Variants in VAT1L observed in about 807,000 individuals in gnomAD.
VAT1L encodes the protein putative NADPH-dependent quinone oxidoreductase VAT1L.
In VAT1L, 34 loss-of-function variants were observed where a neutral mutation model predicts 44.1. That is an observed-to-expected ratio of 0.77 (90% CI 0.59 to 1.03). The LOEUF is 1.03. Ranked by LOEUF, VAT1L falls within the 50% of genes least tolerant of loss-of-function variation. The probability of loss-of-function intolerance (pLI) is 0.00; values close to 1 mark genes in which losing one functional copy is unlikely to be tolerated. For synonymous variants in VAT1L, 253 were observed against 202.2 expected, an observed-to-expected ratio of 1.25 and a Z score of -2.13; for missense variants, 615 against 538.8, an observed-to-expected ratio of 1.14 and a Z score of -1.40.
intron 4 of VAT1L, among the ~76,000 whole-genome samples, chr16:77,874,359 G>A (rs1455021644): frequency 6.6e-6 from 1 of 151,920 alleles, no homozygotes; most frequent in African/African-American, 2.4e-5. Context: ...AGGGAGACAG[G>A]AGCACAATTA....
At chr16:77,802,653 CACACACACACACACACT>C (rs966147920) in intron 1 of VAT1L, among the ~76,000 whole-genome samples, 2 of 147,650 alleles carry the variant, frequency 1.4e-5, no homozygotes, top group East Asian at 2.0e-4. Flanking sequence ...CACACACACA[CACACACACACACACACT>C]AAAGTTGCAT....
At chr16:77,831,452 C>T (rs1052689594) in intron 3 of VAT1L, among the ~76,000 whole-genome samples, 12 of 152,128 alleles carry the variant, frequency 7.9e-5, no homozygotes, top group African/African-American at 2.9e-4. Flanking sequence ...GTGCTGCTTC[C>T]ATGTATGTGT....
chr16:77,897,024 T>C (rs2017331863), intron 7 of VAT1L, among the ~76,000 whole-genome samples: 1 of 152,184 alleles, frequency 6.6e-6, no homozygotes, highest in Admixed American at 6.5e-5. Context: ...TATATCTTAT[T>C]TGCAGAAAGG....
rs570112718 is a variant in VAT1L at position 77,905,321 on chromosome 16, A to C, written c.1077+20519A>C. Among the ~76,000 whole-genome samples, 32 of 152,282 alleles carry C rather than the reference A, an allele frequency of 2.1e-4. 1 individual carries two copies. Among genetic ancestry groups the C allele is most frequent in the African/African-American group, 7.2e-4 (30 of 41,576 alleles). On this transcript the variant is annotated intron_variant, in intron 7 of 8. Transcript: ENST00000302536. Reference sequence around the variant, plus strand: ...TTTGAAGCAAAATCAAGAAAGAAAAAGCAGTAGCTGAGAGGAGATGCCTGA... The same window carrying C: ...TTTGAAGCAAAATCAAGAAAGAAAACGCAGTAGCTGAGAGGAGATGCCTGA...
At chr16:77,823,953 G>C (rs995039411) in intron 2 of VAT1L, among the ~76,000 whole-genome samples, 2 of 152,214 alleles carry the variant, frequency 1.3e-5, no homozygotes, top group Non-Finnish European at 2.9e-5. Flanking sequence ...TACCTGGGAG[G>C]CGGAGGTTGC....
At chr16:77,955,558 C>G (rs144065158) in intron 7 of VAT1L, among the ~76,000 whole-genome samples, 352 of 152,194 alleles carry the variant, frequency 2.3e-3, no homozygotes, top group African/African-American at 8.1e-3. Context: ...AGCCCTGTCT[C>G]CACTAAAAAT....
At chr16:77,839,908 G>C (rs1030858633) in intron 3 of VAT1L, among the ~76,000 whole-genome samples, 2 of 152,218 alleles carry the variant, frequency 1.3e-5, no homozygotes, top group African/African-American at 4.8e-5. Flanking sequence ...CCCTGAATGA[G>C]TGTATGGTCA....
intron 1 of VAT1L, among the ~76,000 whole-genome samples, chr16:77,807,688 T>G (rs1402755657): frequency 6.6e-6 from 1 of 152,160 alleles, no homozygotes; most frequent in African/African-American, 2.4e-5. Flanking sequence ...GTGATTCGGA[T>G]AGCAAGCTTA....
At chr16:77,900,038 A>G (rs2017363896) in intron 7 of VAT1L, among the ~76,000 whole-genome samples, 1 of 152,234 alleles carries the variant, frequency 6.6e-6, no homozygotes, top group South Asian at 2.1e-4. Flanking sequence ...GTGACAATTC[A>G]AAGAGGCTAT....
intron 8 of VAT1L, among the ~76,000 whole-genome samples, chr16:77,977,284 G>A (rs2018351479): frequency 6.6e-6 from 1 of 152,170 alleles, no homozygotes; most frequent in African/African-American, 2.4e-5. Flanking sequence ...GAGTCCCACT[G>A]CCCACACAGG....
chr16:77,871,007 AG>A (rs34935770), intron 4 of VAT1L, among the ~76,000 whole-genome samples: 11,573 of 152,188 alleles, frequency 0.076, 660 homozygotes, highest in East Asian at 0.22. Flanking sequence ...AATCCAGTTC[AG>A]TACAGTCTTT....
chr16:77,977,462 T>G, intron 8 of VAT1L, 135 bp from the exon 9 acceptor site: 1 of 781,502 alleles, frequency 1.3e-6, no homozygotes, highest in South Asian at 1.8e-5. Flanking sequence ...CAGCTAATCC[T>G]GCATTGCCTT....
At chr16:77,968,423 G>A (rs1250465423) in intron 7 of VAT1L, among the ~76,000 whole-genome samples, 1 of 152,172 alleles carries the variant, frequency 6.6e-6, no homozygotes, top group Non-Finnish European at 1.5e-5. Context: ...TTGTTTAAAT[G>A]AAGAATAAAA....
At chr16:77,875,605 T>A (rs572421779) in intron 4 of VAT1L, among the ~76,000 whole-genome samples, 6 of 152,076 alleles carry the variant, frequency 3.9e-5, no homozygotes, top group Non-Finnish European at 5.9e-5. Context: ...AGTGAGTGAG[T>A]GAGTGAATCA....
chr16:77,907,985 A>G (rs1027968849), intron 7 of VAT1L, among the ~76,000 whole-genome samples: 3 of 152,216 alleles, frequency 2.0e-5, no homozygotes. Context: ...TCACGCCTGT[A>G]ATCCCAGCAC....
At chr16:77,876,154 C>G (rs572862744) in intron 4 of VAT1L, among the ~76,000 whole-genome samples, 3 of 152,216 alleles carry the variant, frequency 2.0e-5, no homozygotes, top group African/African-American at 7.2e-5. Flanking sequence ...CAGCTACCAC[C>G]CAGACTCTTA....
At chr16:77,937,778 G>A (rs2017821118) in intron 7 of VAT1L, among the ~76,000 whole-genome samples, 1 of 152,198 alleles carries the variant, frequency 6.6e-6, no homozygotes, top group Non-Finnish European at 1.5e-5. Context: ...GAAAAGGCGA[G>A]TTGAATCCCT....
At chr16:77,851,995 G>C (rs1351714717) in intron 3 of VAT1L, among the ~76,000 whole-genome samples, 2 of 152,140 alleles carry the variant, frequency 1.3e-5, no homozygotes, top group Non-Finnish European at 2.9e-5. Flanking sequence ...CAGGTTTTCT[G>C]TTCCTGCGTG....
chr16:77,941,178 A>G (rs2017878148), intron 7 of VAT1L, among the ~76,000 whole-genome samples: 1 of 152,194 alleles, frequency 6.6e-6, no homozygotes, highest in African/African-American at 2.4e-5. Context: ...GGTACCTGGA[A>G]TAAGCAAAAG....
Sources: gnomAD v4.1 joint callset for allele counts (sites outside exome capture counted in the v4.1 genomes callset) on GRCh38, gnomAD v4.1.1 for gene constraint, MANE v1.5 for transcripts, NCBI Gene and HGNC (gene_info 2026-07-23, HGNC 2026-07-21) for gene names.